The following MRPS28 variants were observed in gnomAD, a reference collection of about 807,000 sequenced individuals.
The protein encoded by MRPS28 is small ribosomal subunit protein bS1m.
MRPS28 carries 7 observed loss-of-function variants against 10.8 expected under a neutral mutation model. That is an observed-to-expected ratio of 0.65 (90% CI 0.37 to 1.22). The LOEUF is 1.22. Ranked by LOEUF, MRPS28 falls within the 50% of genes most tolerant of loss-of-function variation. MRPS28 has a pLI of 0.02. For synonymous variants in MRPS28, 121 were observed against 93.3 expected (o/e 1.30, Z -1.71); for missense variants, 265 against 232.9 (o/e 1.14, Z -0.90).
chr8:80,022,358 G>C (rs1266194250), intron 1 of MRPS28, among the ~76,000 whole-genome samples: 1 of 152,164 alleles, frequency 6.6e-6, no homozygotes, highest in East Asian at 1.9e-4. Flanking sequence ...AGGACATCTA[G>C]GCTGCTTTCA....
intron 2 of MRPS28, among the ~76,000 whole-genome samples, chr8:79,925,356 T>C (rs1810204776): frequency 1.3e-5 from 2 of 152,056 alleles, no homozygotes; most frequent in African/African-American, 4.8e-5. Flanking sequence ...CTCACAGCAA[T>C]GAGCAAAAGA....
At chr8:79,987,849 T>C (rs1448359856) in intron 2 of MRPS28, among the ~76,000 whole-genome samples, 3 of 152,186 alleles carry the variant, frequency 2.0e-5, no homozygotes, top group Admixed American at 6.5e-5. Flanking sequence ...TTAACCATTG[T>C]GGAAGTCAGT....
At chr8:80,010,899 A>T (rs537717934) in intron 1 of MRPS28, among the ~76,000 whole-genome samples, 10 of 152,388 alleles carry the variant, frequency 6.6e-5, no homozygotes, top group Non-Finnish European at 1.3e-4. Flanking sequence ...CCTAGAGGCC[A>T]ACTAGAGCTG....
chr8:80,005,079 A>G (rs1464317820), intron 1 of MRPS28, among the ~76,000 whole-genome samples: 1 of 152,244 alleles, frequency 6.6e-6, no homozygotes, highest in Non-Finnish European at 1.5e-5. Context: ...ATTATCCAGG[A>G]GAACATCCCC....
chr8:80,023,827 C>T (rs1022976576), intron 1 of MRPS28, among the ~76,000 whole-genome samples: 3 of 152,054 alleles, frequency 2.0e-5, no homozygotes, highest in Non-Finnish European at 2.9e-5. Context: ...TAGCACAGCT[C>T]CCAATTGCCT....
At chr8:79,920,723 T>A (rs1810069957) in intron 2 of MRPS28, among the ~76,000 whole-genome samples, 5 of 152,236 alleles carry the variant, frequency 3.3e-5, no homozygotes, top group Admixed American at 3.3e-4. Context: ...AAAAATTTTC[T>A]CCCATTCTGT....
At chr8:79,968,327 C>T (rs997949672) in intron 2 of MRPS28, among the ~76,000 whole-genome samples, 2 of 152,060 alleles carry the variant, frequency 1.3e-5, no homozygotes, top group African/African-American at 4.8e-5. Flanking sequence ...GCAGAGGTCC[C>T]AAACATAAGT....
chr8:79,939,895 G>A (rs902061948), intron 2 of MRPS28, among the ~76,000 whole-genome samples: 1 of 151,926 alleles, frequency 6.6e-6, no homozygotes, highest in African/African-American at 2.4e-5. Flanking sequence ...GCGTGAACCC[G>A]GGAGGCGGAG....
At chr8:79,921,460 T>G (rs900850723) in intron 2 of MRPS28, among the ~76,000 whole-genome samples, 1 of 150,862 alleles carries the variant, frequency 6.6e-6, no homozygotes, top group African/African-American at 2.4e-5. Context: ...TCCTCTTTTA[T>G]TTCATTGAGC....
At chr8:79,935,611 A>G (rs1279699516) in intron 2 of MRPS28, among the ~76,000 whole-genome samples, 1 of 152,238 alleles carries the variant, frequency 6.6e-6, no homozygotes, top group Non-Finnish European at 1.5e-5. Flanking sequence ...TCCTAAAGGC[A>G]TATTAATAAA....
Position 79,925,094 on chromosome 8 carries a change from A to G in MRPS28, c.396-5946T>C, listed in dbSNP as rs542144478. Among the ~76,000 whole-genome samples, 9 of 152,316 alleles carry G rather than the reference A, an allele frequency of 5.9e-5. No individual in the cohort carries two copies. In the South Asian group the frequency reaches 1.9e-3, roughly 32 times the overall value. ...GTTCAAAAAGTTCTACTCCTCTCCA[A>G]TATTTCTAGTCATCATTAAAATTTC... is the stretch of plus-strand genomic sequence containing the variant. On this transcript the variant is annotated intron_variant, in intron 2 of 2. Coordinates refer to ENST00000276585, the MANE Select transcript of MRPS28 (RefSeq NM_014018.3).
intron 2 of MRPS28, among the ~76,000 whole-genome samples, chr8:80,001,290 T>C (rs912309724): frequency 3.3e-5 from 5 of 152,216 alleles, no homozygotes; most frequent in African/African-American, 1.2e-4. Context: ...ATAATTACTA[T>C]ATATTTTCTA....
At chr8:80,010,554 CATGTTTTAATTTTTA>C (rs1314539152) in intron 1 of MRPS28, among the ~76,000 whole-genome samples, 1 of 152,168 alleles carries the variant, frequency 6.6e-6, no homozygotes, top group Non-Finnish European at 1.5e-5. Flanking sequence ...TTCAAGTCCC[CATGTTTTAATTTTTA>C]ATGTTTTAAT....
intron 2 of MRPS28, among the ~76,000 whole-genome samples, chr8:79,926,729 C>T (rs1464860843): frequency 6.6e-6 from 1 of 152,212 alleles, no homozygotes; most frequent in East Asian, 1.9e-4. Context: ...AGAGATTACT[C>T]TGTAGTTTAC....
At chr8:80,028,365 A>G in intron 1 of MRPS28, among the ~76,000 whole-genome samples, 1 of 151,938 alleles carries the variant, frequency 6.6e-6, no homozygotes, top group East Asian at 1.9e-4. Context: ...TTATGGCCTT[A>G]CCTTAAGGAT....
intron 2 of MRPS28, among the ~76,000 whole-genome samples, chr8:79,982,990 C>T (rs151318767): frequency 0.68 from 62,118 of 91,232 alleles, 22,759 homozygotes; most frequent in African/African-American, 0.81. Context: ...GCCTGACCCC[C>T]GACCCCCGAG....
At chr8:80,027,574 A>G (rs1809524146) in intron 1 of MRPS28, among the ~76,000 whole-genome samples, 1 of 152,244 alleles carries the variant, frequency 6.6e-6, no homozygotes, top group Non-Finnish European at 1.5e-5. Context: ...AAGTCTGATT[A>G]TAGAGCCCAA....
At chr8:79,953,927 A>C (rs1046550581) in intron 2 of MRPS28, among the ~76,000 whole-genome samples, 1 of 152,246 alleles carries the variant, frequency 6.6e-6, no homozygotes, top group African/African-American at 2.4e-5. Context: ...TTTAAAATAG[A>C]CAATAAACAT....
chr8:79,987,099 C>T (rs549207029), intron 2 of MRPS28, among the ~76,000 whole-genome samples: 3,832 of 152,040 alleles, frequency 0.025, 168 homozygotes, highest in African/African-American at 0.088. Flanking sequence ...TGGAACAGAA[C>T]AGAGCCCTCA....
Sources: gnomAD v4.1 joint callset for allele counts (sites outside exome capture counted in the v4.1 genomes callset) on GRCh38, gnomAD v4.1.1 for gene constraint, MANE v1.5 for transcripts, NCBI Gene and HGNC (gene_info 2026-07-23, HGNC 2026-07-21) for gene names.